COA8: variants seen among roughly 807,000 people sequenced by gnomAD.
COA8 encodes cytochrome c oxidase assembly factor 8.
In COA8, 20 loss-of-function variants were observed where a neutral mutation model predicts 22.0. That is an observed-to-expected ratio of 0.91 (90% CI 0.64 to 1.32). The LOEUF (loss-of-function observed/expected upper bound fraction) is 1.32. COA8 is among the 40% of genes most tolerant of loss of function. The probability of loss-of-function intolerance (pLI) is 0.00; values close to 1 mark genes in which losing one functional copy is unlikely to be tolerated. For missense variants in COA8, 266 were observed against 230.0 expected (o/e 1.16, Z -1.01); for synonymous variants, 105 against 79.9 (o/e 1.31, Z -1.68).
At chr14:103,584,193 C>T (rs2076289006) in intron 3 of COA8, among the ~76,000 whole-genome samples, 1 of 152,332 alleles carries the variant, frequency 6.6e-6, no homozygotes, top group Admixed American at 6.5e-5. Context: ...GCCACCGTGC[C>T]TGGCCTCCCA....
At chr14:103,571,894 G>A (rs1018466550) in intron 2 of COA8, 74 bp downstream of exon 2, 36 of 1,276,426 alleles carry the variant, frequency 2.8e-5, no homozygotes, top group South Asian at 2.4e-4. Context: ...TCGGGATGCC[G>A]AGGTGGGCAG....
intron 3 of COA8, chr14:103,574,858 G>C (rs2076218837): frequency 4.6e-6 from 1 of 218,692 alleles, no homozygotes; most frequent in Non-Finnish European, 9.2e-6. Context: ...ATGAGAATGA[G>C]CACTCACAGT....
Position 103,589,014 on chromosome 14 carries a change from G to A in COA8, c.477-1167G>A, listed in dbSNP as rs1439883182. On this transcript the variant is annotated intron_variant, in intron 4 of 4. Coordinates refer to ENST00000409074, the MANE Select transcript of COA8 (RefSeq NM_001370595.2). ...TAATCTTTCCCTGGTCTTTGGACAC[G>A]TAGCTTGTTTGCACGGGGCACAGTC... Among the ~76,000 whole-genome samples, 11 of 152,208 alleles carry A rather than the reference G, an allele frequency of 7.2e-5. No individual in the cohort carries two copies. In the East Asian group the frequency reaches 1.5e-3, roughly 21 times the overall value.
At chr14:103,587,129 G>A (rs965606432) in intron 3 of COA8, 145 bp from the exon 4 acceptor site, 2 of 538,194 alleles carry the variant, frequency 3.7e-6, no homozygotes, top group Admixed American at 6.6e-5. Context: ...ACTGTTCATT[G>A]CTAGTGTATA....
At chr14:103,570,878 G>A (rs1026436151) in intron 1 of COA8, among the ~76,000 whole-genome samples, 11 of 152,340 alleles carry the variant, frequency 7.2e-5, no homozygotes, top group Non-Finnish European at 1.3e-4. Flanking sequence ...GGCAATGGGT[G>A]CTTGCTGCCG....
At chr14:103,571,017 A>G (rs1001482027) in intron 1 of COA8, among the ~76,000 whole-genome samples, 4 of 152,148 alleles carry the variant, frequency 2.6e-5, no homozygotes, top group African/African-American at 4.8e-5. Flanking sequence ...CAAAAAGCCA[A>G]TCTTAGGTTC....
At chr14:103,589,612 A>G (rs1178890860) in intron 4 of COA8, among the ~76,000 whole-genome samples, 1 of 151,792 alleles carries the variant, frequency 6.6e-6, no homozygotes, top group Non-Finnish European at 1.5e-5. Flanking sequence ...AAAAAACAAA[A>G]CAAAAAAAAC....
intron 1 of COA8, 80 bp downstream of exon 1, chr14:103,563,204 G>A: frequency 2.7e-6 from 4 of 1,503,838 alleles, no homozygotes; most frequent in Non-Finnish European, 3.6e-6. Context: ...GCCACTCCCT[G>A]TTCTGCACAG....
At chr14:103,574,450 G>T in intron 3 of COA8, 1 of 593,730 alleles carries the variant, frequency 1.7e-6, no homozygotes, top group South Asian at 1.5e-5. Context: ...CTCAGCCTTT[G>T]CAGCTTCTCC....
chr14:103,568,954 C>T (rs544615817), intron 1 of COA8, among the ~76,000 whole-genome samples: 7 of 152,206 alleles, frequency 4.6e-5, no homozygotes, highest in African/African-American at 1.4e-4. Flanking sequence ...TCACAAGAAC[C>T]GGAAGGTTAA....
At chr14:103,587,633 G>C (rs866872212) in intron 4 of COA8, among the ~76,000 whole-genome samples, 1 of 149,502 alleles carries the variant, frequency 6.7e-6, no homozygotes, top group Non-Finnish European at 1.5e-5. Context: ...TCAGCCTCCC[G>C]AGTAGCTGGG....
At chr14:103,565,504 T>C (rs2076129336) in intron 1 of COA8, among the ~76,000 whole-genome samples, 1 of 151,064 alleles carries the variant, frequency 6.6e-6, no homozygotes. Flanking sequence ...CTTTTAGTTC[T>C]TTTTTTTTCT....
chr14:103,586,460 A>G (rs538626129), intron 3 of COA8, among the ~76,000 whole-genome samples: 49 of 151,778 alleles, frequency 3.2e-4, no homozygotes, highest in African/African-American at 1.0e-3. Flanking sequence ...CTCCTGCCTC[A>G]GCTTCCCAAG....
chr14:103,583,119 G>A (rs868045714), intron 3 of COA8, among the ~76,000 whole-genome samples: 6 of 151,788 alleles, frequency 4.0e-5, no homozygotes, highest in East Asian at 1.9e-4. Flanking sequence ...TATTCTATAC[G>A]GATATACCAT....
At position 103,563,164 on chromosome 14, in the gene COA8, C is replaced by G. The variant is rs989717807; in HGVS notation, c.123+40C>G. 5 of 1,538,364 alleles carry G rather than the reference C, an allele frequency of 3.3e-6. No individual in the cohort carries two copies. In the African/African-American group the frequency reaches 6.8e-5, roughly 21 times the overall value. Reference sequence around the variant, plus strand: ...GGGGACATTGGGCCGGGAGGGGTGACCGGAAGGGAAGACAAACCCGGGCCT... The same window carrying G: ...GGGGACATTGGGCCGGGAGGGGTGAGCGGAAGGGAAGACAAACCCGGGCCT... On this transcript the variant is annotated intron_variant, in intron 1 of 4. Coordinates refer to ENST00000409074, the MANE Select transcript of COA8 (RefSeq NM_001370595.2).
At chr14:103,574,815 G>C (rs74895608) in intron 3 of COA8, 1 of 257,072 alleles carries the variant, frequency 3.9e-6, no homozygotes, top group Non-Finnish European at 7.7e-6. Flanking sequence ...TTGTGGGGCA[G>C]AGCTGGAGCA....
chr14:103,566,969 A>G (rs1346726948), intron 1 of COA8, among the ~76,000 whole-genome samples: 6 of 152,096 alleles, frequency 3.9e-5, no homozygotes, highest in Non-Finnish European at 7.4e-5. Flanking sequence ...GTGCAGTGGC[A>G]CAAACATAGC....
chr14:103,577,390 A>G (rs2076237156), intron 3 of COA8, among the ~76,000 whole-genome samples: 1 of 152,022 alleles, frequency 6.6e-6, no homozygotes, highest in Non-Finnish European at 1.5e-5. Context: ...GTGCATATGC[A>G]ACAAGAAGTC....
chr14:103,584,162 G>A lies in COA8; in HGVS notation c.386-3112G>A, dbSNP rs77916772. 9.4e-4 allele frequency among the ~76,000 whole-genome samples: 143 copies of A among 152,220 alleles called. 3 individuals carry two copies. In the East Asian group the frequency reaches 0.021, roughly 22 times the overall value. ...AGCAACCCTCCCTCGGCCCCACAAA[G>A]CACTGGGATAACAGGCGTGAGCCAC... On this transcript the variant is annotated intron_variant, in intron 3 of 4. Transcript: ENST00000409074.
Sources: allele counts gnomAD v4.1 joint callset (sites outside exome capture counted in the v4.1 genomes callset), GRCh38; gene constraint gnomAD v4.1.1; transcripts MANE v1.5; gene names NCBI Gene and HGNC (gene_info 2026-07-23, HGNC 2026-07-21).